Variants in TPTE2 observed in about 807,000 individuals in gnomAD.
TPTE2 encodes transmembrane phosphoinositide 3-phosphatase and tensin homolog 2.
TPTE2 carries 53 observed loss-of-function variants against 78.6 expected under a neutral mutation model. The observed-to-expected ratio is 0.67, with a 90% CI of 0.54 to 0.85. TPTE2 has a LOEUF of 0.85. TPTE2 is among the 40% of genes least tolerant of loss of function. TPTE2 has a pLI of 0.00. For missense variants in TPTE2, 461 were observed against 623.0 expected (o/e 0.74, Z 2.77); for synonymous variants, 175 against 206.2 (o/e 0.85, Z 1.30).
Position 19,425,048 on chromosome 13 carries a change from T to A in TPTE2, c.1396-31A>T, listed in dbSNP as rs1273179450. 4.4e-6 allele frequency: 5 copies of A among 1,141,872 alleles called. No individual in the cohort carries two copies. In the South Asian group the frequency reaches 6.9e-5, roughly 16 times the overall value. The allele number at this position is 1,141,872 out of a possible 1,614,324, so 70.7% of individuals were successfully genotyped here. ...AAGAAAAAAAATTTCAAAGTAAAAC[T>A]GACACCAGGAACTAATCATTCCAAA... is the stretch of plus-strand genomic sequence containing the variant. On this transcript the variant is annotated intron_variant, in intron 18 of 19. Coordinates refer to ENST00000400230, the Ensembl canonical transcript of TPTE2.
chr13:19,457,140 AC>A (rs1347357451), intron 10 of TPTE2, among the ~76,000 whole-genome samples: 1 of 152,208 alleles, frequency 6.6e-6, no homozygotes, highest in Admixed American at 6.5e-5. Context: ...GAAACTTGAT[AC>A]TTTATATCTT....
At chr13:19,497,260 C>T (rs1203903971) in intron 1 of TPTE2, among the ~76,000 whole-genome samples, 1 of 143,162 alleles carries the variant, frequency 7.0e-6, no homozygotes, top group Non-Finnish European at 1.6e-5. Flanking sequence ...ATTAGGTAAA[C>T]AAAGCAGCCA....
intron 13 of TPTE2, among the ~76,000 whole-genome samples, chr13:19,448,536 C>T (rs117629189): frequency 0.025 from 3,823 of 152,148 alleles, 65 homozygotes; most frequent in Middle Eastern, 0.051. Context: ...TATTTCCCAA[C>T]GGAAATGGCC....
chr13:19,540,963 C>G (rs1415417451), upstream of TPTE2, among the ~76,000 whole-genome samples: 3 of 152,174 alleles, frequency 2.0e-5, no homozygotes, highest in African/African-American at 7.2e-5. Flanking sequence ...TATTTTCTCA[C>G]AGTTTCTGAG....
chr13:19,455,333 A>G (rs779916833), intron 10 of TPTE2, among the ~76,000 whole-genome samples: 20 of 152,178 alleles, frequency 1.3e-4, no homozygotes, highest in Non-Finnish European at 2.5e-4. Context: ...CAATGGTCTC[A>G]ATTCTTCAAC....
chr13:19,538,485 G>T (rs1373899971), upstream of TPTE2, among the ~76,000 whole-genome samples: 1 of 151,866 alleles, frequency 6.6e-6, no homozygotes. Flanking sequence ...CTCCCAAAGT[G>T]CTGAGATTAC....
intron 1 of TPTE2, among the ~76,000 whole-genome samples, chr13:19,513,499 G>A (rs1435637821): frequency 1.3e-5 from 2 of 152,198 alleles, no homozygotes; most frequent in Non-Finnish European, 2.9e-5. Context: ...GATTTCTGAT[G>A]TCAATTCATT....
intron 14 of TPTE2, among the ~76,000 whole-genome samples, chr13:19,437,861 A>C (rs1393645502): frequency 6.6e-6 from 1 of 152,082 alleles, no homozygotes; most frequent in Non-Finnish European, 1.5e-5. Context: ...TAAATTTTGC[A>C]CCTCATTGAC....
At chr13:19,543,162 A>C in the TPTE2 span, among the ~76,000 whole-genome samples, 1 of 151,684 alleles carries the variant, frequency 6.6e-6, no homozygotes, top group East Asian at 1.9e-4. Context: ...GGCTCCAGCG[A>C]TCGTCCCACT....
rs1488128097 is a variant in TPTE2, at chr13:19,486,649, G to C, written c.120-4102C>G. Reference sequence around the variant, plus strand: ...ATGTGGGTACACAGCTGCTCATCTGGCCTGCAGCCAGTCTGCTGGGGGAAA... The same window carrying C: ...ATGTGGGTACACAGCTGCTCATCTGCCCTGCAGCCAGTCTGCTGGGGGAAA... On this transcript the variant is annotated intron_variant, in intron 3 of 19. Coordinates refer to ENST00000400230, the Ensembl canonical transcript of TPTE2. This position sits in a 1 kb window ranked among gnomAD's most constrained non-coding sequence, Gnocchi z 4.3. 1.3e-5 allele frequency among the ~76,000 whole-genome samples: 2 copies of C among 152,192 alleles called. No homozygotes were observed. Among genetic ancestry groups the C allele is most frequent in the Non-Finnish European group, 2.9e-5 (2 of 68,032 alleles).
intron 10 of TPTE2, among the ~76,000 whole-genome samples, chr13:19,458,893 A>G (rs535593398): frequency 6.6e-6 from 1 of 152,198 alleles, no homozygotes; most frequent in East Asian, 1.9e-4. Context: ...GCATGCATGT[A>G]TTTTTATAAG....
intron 6 of TPTE2, among the ~76,000 whole-genome samples, chr13:19,469,061 T>G (rs921827187): frequency 1.3e-5 from 2 of 152,232 alleles, no homozygotes; most frequent in African/African-American, 4.8e-5. Context: ...TTTGGTTGCC[T>G]GTGCTTGTCA....
chr13:19,545,981 C>T, the TPTE2 span, among the ~76,000 whole-genome samples: 6 of 152,074 alleles, frequency 3.9e-5, no homozygotes, highest in African/African-American at 1.4e-4. Flanking sequence ...AGTTTAAGAC[C>T]AGCCTGAGCA....
At chr13:19,506,121 T>C (rs1263787884), upstream of TPTE2, among the ~76,000 whole-genome samples, 3 of 149,338 alleles carry the variant, frequency 2.0e-5, no homozygotes, top group East Asian at 5.8e-4. Context: ...GTGTATGTTA[T>C]GTGTATATAT....
chr13:19,529,846 T>C (rs1870755316), intron 1 of TPTE2, among the ~76,000 whole-genome samples: 1 of 152,192 alleles, frequency 6.6e-6, no homozygotes, highest in Admixed American at 6.5e-5. Flanking sequence ...TGAAACTTTG[T>C]TTCTCTGTGG....
At chr13:19,462,101 A>AT (rs34437263) in intron 10 of TPTE2, among the ~76,000 whole-genome samples, 78,467 of 148,286 alleles carry the variant, frequency 0.53, 25,362 homozygotes, top group Non-Finnish European at 0.71. Flanking sequence ...TTCTTCACCT[A>AT]TTTTTTTTTA....
intron 1 of TPTE2, among the ~76,000 whole-genome samples, chr13:19,531,070 G>A (rs1398029383): frequency 6.6e-6 from 1 of 152,058 alleles, no homozygotes; most frequent in African/African-American, 2.4e-5. Context: ...GCCTATTCTA[G>A]GTGTCTCACA....
intron 4 of TPTE2, among the ~76,000 whole-genome samples, chr13:19,477,715 G>A (rs532298892): frequency 1.3e-5 from 2 of 152,288 alleles, no homozygotes; most frequent in Admixed American, 1.3e-4. Context: ...GGTGGCTTTA[G>A]CCCCTTAATC....
chr13:19,560,502 C>T, the TPTE2 span: 1 of 1,588,338 alleles, frequency 6.3e-7, no homozygotes, highest in Non-Finnish European at 8.6e-7. Flanking sequence ...ATACTCTCTG[C>T]AGTACTGACA....
Sources: gnomAD v4.1 joint callset for allele counts (sites outside exome capture counted in the v4.1 genomes callset) on GRCh38, gnomAD v4.1.1 for gene constraint, Gnocchi (gnomAD v3.1) non-coding constraint, MANE v1.5 for transcripts, NCBI Gene and HGNC (gene_info 2026-07-23, HGNC 2026-07-21) for gene names.